The following NOL4 variants were observed in gnomAD, a reference collection of about 807,000 sequenced individuals.
NOL4 encodes the protein cancer/testis antigen 125.
A neutral mutation model predicts 75.9 loss-of-function variants in NOL4; 17 were observed. The observed-to-expected ratio is 0.22, with a 90% confidence interval of 0.15 to 0.34. The LOEUF is 0.34. Ranked by LOEUF, NOL4 falls within the 10% of genes least tolerant of loss-of-function variation. The probability of loss-of-function intolerance (pLI) is 1.00; values close to 1 mark genes in which losing one functional copy is unlikely to be tolerated. For missense variants in NOL4, 614 were observed against 793.5 expected, an observed-to-expected ratio of 0.77 and a Z score of 2.72; for synonymous variants, 292 against 289.9, an observed-to-expected ratio of 1.01 and a Z score of -0.07.
chr18:33,890,814 A>G lies in NOL4; in HGVS notation c.1543-7390T>C, dbSNP rs566157862. 4.6e-5 allele frequency among the ~76,000 whole-genome samples: 7 copies of G among 152,178 alleles called. No individual in the cohort carries two copies. In the East Asian group the frequency reaches 1.4e-3, roughly 29 times the overall value. On this transcript the variant is annotated intron_variant, in intron 9 of 10. Coordinates refer to ENST00000261592, the MANE Select transcript of NOL4 (RefSeq NM_003787.5). ...ACGCAGGTCAGAGGTAAATAATCACATTATTATAGTGCTACTGCAAACAAG... is the reference window on the plus strand; with the variant it reads ...ACGCAGGTCAGAGGTAAATAATCACGTTATTATAGTGCTACTGCAAACAAG...
chr18:33,896,154 G>A (rs777433873), intron 9 of NOL4, among the ~76,000 whole-genome samples: 2 of 151,914 alleles, frequency 1.3e-5, no homozygotes, highest in Non-Finnish European at 2.9e-5. Flanking sequence ...ATCAGAGAAG[G>A]CACAAACAAA....
At chr18:33,992,392 C>T (rs1170769693) in intron 6 of NOL4, among the ~76,000 whole-genome samples, 1 of 151,934 alleles carries the variant, frequency 6.6e-6, no homozygotes. Context: ...CTCTGTAGAC[C>T]CATACCTCAG....
chr18:34,004,150 C>T (rs2073899390), intron 6 of NOL4, among the ~76,000 whole-genome samples: 1 of 152,018 alleles, frequency 6.6e-6, no homozygotes, highest in Non-Finnish European at 1.5e-5. Flanking sequence ...ATCTTTGAAT[C>T]CACCTATGAC....
In NOL4 at chr18:34,223,551, C is replaced by G. The variant is rs1444845896; in HGVS notation, c.-298G>C. 2.2e-6 allele frequency: 1 copy of G among 444,518 alleles called. No individual in the cohort carries two copies. The highest frequency in any genetic ancestry group is 2.0e-5 in the African/African-American group (1 of 50,256). The allele number at this position is 444,518 out of a possible 1,614,324, so 27.5% of individuals were successfully genotyped here. A position where few individuals can be genotyped will look rare whatever the true frequency, so the allele number is the denominator to read the frequency against. ...TTAATATTTTGTGACCAGGACCATC[C>G]CAACACCATTCTGGCCCAGAGGAGC... On this transcript the variant is annotated 5_prime_UTR_variant, in exon 1 of 11. Transcript: ENST00000261592.
At chr18:33,861,088 A>C (rs892555194) in intron 10 of NOL4, among the ~76,000 whole-genome samples, 10 of 152,126 alleles carry the variant, frequency 6.6e-5, no homozygotes, top group African/African-American at 2.2e-4. Flanking sequence ...TATTGGTCTA[A>C]AATTCTCTTT....
chr18:33,964,417 A>T (rs1290578046), intron 6 of NOL4, among the ~76,000 whole-genome samples: 1 of 152,042 alleles, frequency 6.6e-6, no homozygotes, highest in Non-Finnish European at 1.5e-5. Context: ...GCACTACTCA[A>T]GAAGTAAACT....
chr18:33,916,248 G>A (rs2066713545), intron 9 of NOL4, among the ~76,000 whole-genome samples: 1 of 152,092 alleles, frequency 6.6e-6, no homozygotes, highest in Non-Finnish European at 1.5e-5. Context: ...TGTTTCATGA[G>A]TTCTAAATAA....
rs151121396 is a variant in NOL4 at position 34,027,343 on chromosome 18, G to T, written c.773-7742C>A. ...TCATGGGATTAGCAATAAATATCCT[G>T]GGAATTATCAAAAATTAAGTGATAA... On this transcript the variant is annotated intron_variant, in intron 5 of 10. Coordinates refer to ENST00000261592, the MANE Select transcript of NOL4 (RefSeq NM_003787.5). Among the ~76,000 whole-genome samples, 9 of 152,240 alleles carry T rather than the reference G, an allele frequency of 5.9e-5. No homozygotes were observed. In the East Asian group the frequency reaches 1.5e-3, roughly 26 times the overall value.
intron 1 of NOL4, among the ~76,000 whole-genome samples, chr18:34,217,276 CT>C (rs202107133): frequency 1.9e-4 from 28 of 151,136 alleles, no homozygotes; most frequent in Middle Eastern, 3.4e-3. Context: ...GTATTTCTTT[CT>C]TTTTTTTTAT....
chr18:34,096,333 T>C (rs922388784), intron 4 of NOL4, among the ~76,000 whole-genome samples: 1 of 152,082 alleles, frequency 6.6e-6, no homozygotes, highest in African/African-American at 2.4e-5. Context: ...TAGAATTCAA[T>C]TGTTATACTT....
intron 5 of NOL4, among the ~76,000 whole-genome samples, chr18:34,036,193 T>C (rs2075887707): frequency 6.6e-6 from 1 of 152,122 alleles, no homozygotes; most frequent in Non-Finnish European, 1.5e-5. Context: ...AGGCCAATAT[T>C]CATGATGAAC....
intron 2 of NOL4, among the ~76,000 whole-genome samples, chr18:34,115,853 C>G (rs1240962606): frequency 1.3e-5 from 2 of 152,024 alleles, no homozygotes; most frequent in Non-Finnish European, 2.9e-5. Context: ...TCAGTGTCAC[C>G]CCAGACAATG....
chr18:34,026,286 GCACA>G (rs1157852897), intron 5 of NOL4, among the ~76,000 whole-genome samples: 1 of 152,046 alleles, frequency 6.6e-6, no homozygotes, highest in Non-Finnish European at 1.5e-5. Flanking sequence ...CCCTCCCCAT[GCACA>G]CACCCTCTCT....
intron 1 of NOL4, among the ~76,000 whole-genome samples, chr18:34,211,519 T>C (rs2036516476): frequency 6.6e-6 from 1 of 152,196 alleles, no homozygotes. Context: ...CCCATGGCCC[T>C]AGATTAAACC....
intron 5 of NOL4, among the ~76,000 whole-genome samples, chr18:34,072,131 TAAGGCAGGAG>T (rs757485434): frequency 2.0e-4 from 30 of 151,994 alleles, no homozygotes; most frequent in Non-Finnish European, 3.7e-4. Flanking sequence ...CTCAGGAGGC[TAAGGCAGGAG>T]AATCGCCCGG....
chr18:33,882,745 A>G (rs2064373101), intron 10 of NOL4, among the ~76,000 whole-genome samples: 2 of 152,102 alleles, frequency 1.3e-5, no homozygotes, highest in Non-Finnish European at 2.9e-5. Flanking sequence ...TGCTATAAAG[A>G]CACATGCACA....
At chr18:34,057,087 T>A (rs1387749555) in intron 5 of NOL4, among the ~76,000 whole-genome samples, 1 of 152,166 alleles carries the variant, frequency 6.6e-6, no homozygotes, top group Non-Finnish European at 1.5e-5. Flanking sequence ...CCCTGACATG[T>A]CCCTCTTAAA....
chr18:34,190,250 T>C (rs1249261651), intron 1 of NOL4, among the ~76,000 whole-genome samples: 1 of 151,836 alleles, frequency 6.6e-6, no homozygotes, highest in Non-Finnish European at 1.5e-5. Flanking sequence ...TTACCATAAT[T>C]ACAAGAGCTG....
intron 5 of NOL4, among the ~76,000 whole-genome samples, chr18:34,082,782 G>A (rs1220779667): frequency 1.3e-5 from 2 of 152,146 alleles, no homozygotes; most frequent in East Asian, 1.9e-4. Context: ...AAGCAGTGAT[G>A]AGTTGCACGT....
Sources: gnomAD v4.1 joint callset for allele counts (sites outside exome capture counted in the v4.1 genomes callset) on GRCh38, gnomAD v4.1.1 for gene constraint, MANE v1.5 for transcripts, NCBI Gene and HGNC (gene_info 2026-07-23, HGNC 2026-07-21) for gene names.